NPAS3: variants seen among roughly 807,000 people sequenced by gnomAD.
The protein encoded by NPAS3 is neuronal PAS domain protein 3.
In NPAS3, 14 loss-of-function variants were observed where a neutral mutation model predicts 73.1. The observed-to-expected ratio is 0.19, with a 90% CI of 0.13 to 0.30. The LOEUF (loss-of-function observed/expected upper bound fraction) is 0.30. NPAS3 is among the 10% of genes least tolerant of loss of function. The pLI, the probability that NPAS3 is intolerant of heterozygous loss-of-function variation, is 1.00. For synonymous variants in NPAS3, 620 were observed against 541.5 expected (o/e 1.14, Z -2.01); for missense variants, 1,096 against 1,250.0 (o/e 0.88, Z 1.86).
intron 3 of NPAS3, among the ~76,000 whole-genome samples, chr14:33,318,195 A>G (rs1416960865): frequency 6.6e-6 from 1 of 152,128 alleles, no homozygotes; most frequent in East Asian, 1.9e-4. Context: ...ACATGCTACA[A>G]CGTCTGTGAA....
chr14:33,175,356 A>G (rs1025096458), intron 2 of NPAS3, among the ~76,000 whole-genome samples: 10 of 152,160 alleles, frequency 6.6e-5, no homozygotes, highest in African/African-American at 1.4e-4. Flanking sequence ...CATTAAAAAA[A>G]TTTGTACAAA....
At chr14:33,646,665 TC>T (rs1258935596) in intron 5 of NPAS3, among the ~76,000 whole-genome samples, 1 of 152,220 alleles carries the variant, frequency 6.6e-6, no homozygotes, top group Non-Finnish European at 1.5e-5. Flanking sequence ...AGTTGAATAG[TC>T]CATCAAAACT....
At chr14:33,224,108 C>T (rs2047535294) in intron 3 of NPAS3, among the ~76,000 whole-genome samples, 1 of 152,152 alleles carries the variant, frequency 6.6e-6, no homozygotes, top group South Asian at 2.1e-4. Flanking sequence ...ATATTTTAGT[C>T]ATGACATCTT....
Position 33,302,228 on chromosome 14 carries a change from TCTA to T in NPAS3, c.386-64951_386-64949del, listed in dbSNP as rs532427156. Among the ~76,000 whole-genome samples the T allele has an allele frequency of 3.0e-4, 45 of 152,332 alleles. 1 individual carries two copies. The South Asian group carries it at 9.1e-3, about 31-fold the overall frequency. ...ATGGACTTGAAAATATAATTTTCTT[TCTA>T]CTACTAACAGTGGCATTATTAAGGA... On this transcript the variant is annotated intron_variant, in intron 3 of 11. Transcript: ENST00000356141.
intron 3 of NPAS3, among the ~76,000 whole-genome samples, chr14:33,360,899 C>T (rs193250617): frequency 1.3e-4 from 20 of 152,234 alleles, no homozygotes; most frequent in African/African-American, 2.9e-4. Flanking sequence ...TTCTGTCCTC[C>T]GAGACGTTGA....
chr14:33,306,137 A>C (rs1029141745), intron 3 of NPAS3, among the ~76,000 whole-genome samples: 1 of 152,218 alleles, frequency 6.6e-6, no homozygotes, highest in Non-Finnish European at 1.5e-5. Context: ...TGAATCCATG[A>C]TATAACGATA....
chr14:33,325,527 T>C lies in NPAS3; in HGVS notation c.386-41659T>C, dbSNP rs549364031. ...TGGTTGTGGTGGTGGGTGCTTGTAA[T>C]CCCAGCTACACAGGAGGCCAAGGCA... On this transcript the variant is annotated intron_variant, in intron 3 of 11. Transcript: ENST00000356141. 7.9e-5 allele frequency among the ~76,000 whole-genome samples: 12 copies of C among 151,004 alleles called. No individual in the cohort carries two copies. In the East Asian group the frequency reaches 2.4e-3, roughly 30 times the overall value.
In NPAS3 at chr14:33,137,744, C is replaced by A. The variant is rs191601639; in HGVS notation, c.141-77438C>A. ...TAAATTTAACATCTCAAGAATGGCC[C>A]AGTATCTTTGTCGTGTTAGTTGGAA... is the stretch of plus-strand genomic sequence containing the variant. On this transcript the variant is annotated intron_variant, in intron 2 of 11. Coordinates refer to ENST00000356141, the Ensembl canonical transcript of NPAS3. Among the ~76,000 whole-genome samples the A allele has an allele frequency of 1.7e-4, 26 of 152,196 alleles. 1 individual carries two copies. In the East Asian group the frequency reaches 5.0e-3, roughly 29 times the overall value.
intron 5 of NPAS3, among the ~76,000 whole-genome samples, chr14:33,649,581 G>T (rs2058932206): frequency 6.6e-6 from 1 of 152,168 alleles, no homozygotes; most frequent in Non-Finnish European, 1.5e-5. Context: ...GTTGGTTATT[G>T]TGTCGGATGC....
At chr14:33,414,433 A>G (rs546514959) in intron 4 of NPAS3, among the ~76,000 whole-genome samples, 1 of 152,312 alleles carries the variant, frequency 6.6e-6, no homozygotes, top group East Asian at 1.9e-4. Context: ...TCTCCATTAT[A>G]TCATGAGCGG....
chr14:33,657,372 T>A (rs1346469559), intron 5 of NPAS3, among the ~76,000 whole-genome samples: 2 of 152,152 alleles, frequency 1.3e-5, no homozygotes, highest in Non-Finnish European at 2.9e-5. Context: ...GTGCTAGGTG[T>A]CTTGGGAACT....
chr14:33,425,558 C>T (rs916355514), intron 4 of NPAS3, among the ~76,000 whole-genome samples: 18 of 131,272 alleles, frequency 1.4e-4, no homozygotes, highest in Non-Finnish European at 2.7e-4. Context: ...TTTTTTTTAG[C>T]ATGTTGGCTT....
intron 4 of NPAS3, among the ~76,000 whole-genome samples, chr14:33,484,447 G>A (rs2051482824): frequency 6.6e-6 from 1 of 152,156 alleles, no homozygotes; most frequent in African/African-American, 2.4e-5. Flanking sequence ...GTGTTTTACA[G>A]GGCTTGACCT....
chr14:33,430,764 C>T (rs562710764), intron 4 of NPAS3, among the ~76,000 whole-genome samples: 43 of 152,234 alleles, frequency 2.8e-4, no homozygotes, highest in Admixed American at 1.1e-3. Context: ...TTAATTTTCC[C>T]GCATGTCTTC....
intron 6 of NPAS3, among the ~76,000 whole-genome samples, chr14:33,697,826 T>G (rs1402601277): frequency 6.6e-6 from 1 of 152,246 alleles, no homozygotes; most frequent in Non-Finnish European, 1.5e-5. Context: ...TTGTTAAATG[T>G]GCTAAAGAAT....
At chr14:33,563,891 T>C (rs1039249672) in intron 5 of NPAS3, among the ~76,000 whole-genome samples, 5 of 152,188 alleles carry the variant, frequency 3.3e-5, no homozygotes, top group African/African-American at 4.8e-5. Context: ...TAGCCAGCGT[T>C]TATGAAATCT....
intron 6 of NPAS3, among the ~76,000 whole-genome samples, chr14:33,732,556 G>T (rs950433043): frequency 6.6e-6 from 1 of 152,168 alleles, no homozygotes; most frequent in Non-Finnish European, 1.5e-5. Context: ...GTCCTCAGAA[G>T]TAGGAAGTCA....
chr14:33,159,278 TTA>T (rs1454279819), intron 2 of NPAS3, among the ~76,000 whole-genome samples: 1 of 152,222 alleles, frequency 6.6e-6, no homozygotes, highest in Admixed American at 6.5e-5. Flanking sequence ...ATCAATTTGT[TTA>T]TGAGTTGATG....
intron 4 of NPAS3, among the ~76,000 whole-genome samples, chr14:33,499,388 T>A (rs910389742): frequency 5.3e-5 from 8 of 151,800 alleles, no homozygotes; most frequent in Non-Finnish European, 1.0e-4. Flanking sequence ...TTAAAACAAA[T>A]AGAAAGAACG....
Sources: gnomAD v4.1 joint callset for allele counts (sites outside exome capture counted in the v4.1 genomes callset) on GRCh38, gnomAD v4.1.1 for gene constraint, MANE v1.5 for transcripts, NCBI Gene and HGNC (gene_info 2026-07-23, HGNC 2026-07-21) for gene names.